PANX2: variants seen among roughly 807,000 people sequenced by gnomAD.
PANX2 encodes pannexin-2.
A neutral mutation model predicts 38.7 loss-of-function variants in PANX2; 30 were observed. The ratio of observed to expected loss-of-function variants is 0.78; its 90% CI spans 0.58 to 1.05. PANX2 has a LOEUF of 1.05. Ranked by LOEUF, PANX2 falls within the 50% of genes least tolerant of loss-of-function variation. The pLI is 0.00. For synonymous variants in PANX2, 539 were observed against 472.1 expected (o/e 1.14, Z -1.84); for missense variants, 880 against 979.3 (o/e 0.90, Z 1.35).
At position 50,173,176 on chromosome 22, in the gene PANX2, GT is replaced by G. The variant is rs202152554; in HGVS notation, c.226+2222del. Among the ~76,000 whole-genome samples, 812 of 149,262 alleles carry G rather than the reference GT, an allele frequency of 5.4e-3. 9 individuals are homozygous for G. Among genetic ancestry groups the G allele is most frequent in the African/African-American group, 0.018 (696 of 39,100 alleles). On this transcript the variant is annotated intron_variant, in intron 1 of 2. Coordinates refer to ENST00000395842, the MANE Select transcript of PANX2 (RefSeq NM_052839.4). ...CTCCCAAAGTGCTGGGATTACAGGC[GT>G]TGAGCCACCGTGCCTGACCCATTTT... is the stretch of plus-strand genomic sequence containing the variant.
In PANX2 at chr22:50,179,667, C is replaced by T. The variant is rs2063688325; in HGVS notation, c.*390C>T. 4.8e-6 allele frequency: 1 copy of T among 209,418 alleles called. No homozygotes were observed. Among genetic ancestry groups the T allele is most frequent in the South Asian group, 6.8e-5 (1 of 14,748 alleles). The allele number at this position is 209,418 out of a possible 1,614,324, so 13.0% of individuals were successfully genotyped here. ...AGCCCAACTCCCCCAGCCCAGCTCCCCCAGCCCAGAGCCAGGGAAGAGGAA... is the reference window on the plus strand; with the variant it reads ...AGCCCAACTCCCCCAGCCCAGCTCCTCCAGCCCAGAGCCAGGGAAGAGGAA... On this transcript the variant is annotated 3_prime_UTR_variant, in exon 3 of 3. Coordinates refer to ENST00000395842, the MANE Select transcript of PANX2 (RefSeq NM_052839.4).
In PANX2 at chr22:50,178,043, A is replaced by C. The variant is rs1366252833; in HGVS notation, c.1331A>C (p.Lys444Thr). Residue 444 changes from lysine to threonine, a missense_variant, in exon 2 of 3, where the codon AAG (lysine) becomes ACG (threonine). Physicochemically the swap from Lys to Thr is moderately conservative, Grantham distance 78. Transcript: ENST00000395842. ...PTSNPLPQPF[K>T]EPLAIMRVEN... ...AGCAACCCGCTTCCGCAGCCCTTCA[A>C]GGAGCCGCTGGCCATCATGCGCGTG... 1 of 1,551,176 alleles carries C rather than the reference A, an allele frequency of 6.4e-7. No homozygotes were observed. Among genetic ancestry groups the C allele is most frequent in the African/African-American group, 1.4e-5 (1 of 73,274 alleles).
rs1281747306 is a variant in PANX2, at chr22:50,170,800, C to A, written c.70C>A (p.Leu24Met). ...GCTGGCGGGAGAGAAGCTGCGGGAG[C>A]TGATCCTGCCGGGCGCGCAGGACGA... is the stretch of plus-strand genomic sequence containing the variant. ...ALLAGEKLRE[L>M]ILPGAQDDKA... Residue 24 changes from leucine (L) to methionine (M), a missense_variant, in exon 1 of 3, where the codon CTG becomes ATG. Leu to Met is a conservative substitution (Grantham distance 15). Transcript: ENST00000395842. 2 of 1,452,638 alleles carry A rather than the reference C, an allele frequency of 1.4e-6. No individual in the cohort carries two copies. Among genetic ancestry groups the A allele is most frequent in the South Asian group, 1.4e-5 (1 of 73,708 alleles). 90.0% of individuals were successfully genotyped at this position (1,452,638 alleles called of 1,614,324 possible).
Position 50,178,369 on chromosome 22 carries a change from T to C in PANX2, c.1657T>C (p.Cys553Arg), listed in dbSNP as rs1488443276. 2.7e-6 allele frequency: 4 copies of C among 1,473,610 alleles called. No homozygotes were observed. The South Asian group carries it at 5.4e-5, about 20-fold the overall frequency. 91.3% of individuals were successfully genotyped at this position (1,473,610 alleles called of 1,614,324 possible). A position where few individuals can be genotyped will look rare whatever the true frequency, so the allele number is the denominator to read the frequency against. Residue 553 changes from cysteine to arginine, a missense_variant, in exon 2 of 3, where the codon TGT becomes CGT. Coordinates refer to ENST00000395842, the MANE Select transcript of PANX2 (RefSeq NM_052839.4). Reference protein sequence around the residue: ...EGGFLSQAEDCGLGLAPAPIK... With the variant: ...EGGFLSQAEDRGLGLAPAPIK... The stretch of plus-strand genomic sequence containing the variant: ...GGGCTTCCTGTCCCAGGCGGAGGAC[T>C]GTGGGCTAGGCCTGGCCCCGGCGCC...
chr22:50,178,266 C>G lies in PANX2; in HGVS notation c.1554C>G (p.His518Gln), dbSNP rs1334570488. Residue 518 changes from histidine (H) to glutamine (Q), a missense_variant, in exon 2 of 3, where the codon CAC (histidine) becomes CAG (glutamine). His to Gln is a conservative substitution (Grantham distance 24, BLOSUM62 0). Transcript: ENST00000395842. ...CGCGCCACTTCTCCCTGGACGTGCA[C>G]CCCTACATCCTCGGCACCAAGAAGG... ...KHARHFSLDV[H>Q]PYILGTKKAK... The G allele has an allele frequency of 1.3e-6, 2 of 1,531,614 alleles. No homozygotes were observed. The highest frequency in any genetic ancestry group is 2.8e-5 in the African/African-American group (2 of 70,904). 94.9% of individuals were successfully genotyped at this position (1,531,614 alleles called of 1,614,324 possible). A position where few individuals can be genotyped will look rare whatever the true frequency, so the allele number is the denominator to read the frequency against.
chr22:50,171,869 CA>C (rs34564312), intron 1 of PANX2, among the ~76,000 whole-genome samples: 33,522 of 152,112 alleles, frequency 0.22, 4,599 homozygotes, highest in Non-Finnish European at 0.31. Context: ...CTCTCTTCTG[CA>C]GCCTCCAAAC....
chr22:50,176,205 T>C (rs2063660367), intron 1 of PANX2, among the ~76,000 whole-genome samples: 1 of 152,264 alleles, frequency 6.6e-6, no homozygotes, highest in African/African-American at 2.4e-5. Context: ...TTCGTGTCAT[T>C]GTCACCTGCA....
Position 50,177,876 on chromosome 22 carries a change from G to A in PANX2, c.1164G>A (p.Gln388=), listed in dbSNP as rs1201785650. The A allele has an allele frequency of 6.4e-7, 1 of 1,555,170 alleles. No homozygotes were observed. The highest frequency in any genetic ancestry group is 8.6e-7 in the Non-Finnish European group (1 of 1,156,218). ...GGCAGCTGCTGGCGGCGCTGGCGCA[G>A]TCCAACCACGACGCCACCCCCACGG... ...VVRQLLAALA[Q]SNHDATPTVR... is the part of the protein sequence containing the mutation. Residue 388 remains glutamine (Q), a synonymous_variant, in exon 2 of 3, where the codon CAG becomes CAA. Coordinates refer to ENST00000395842, the MANE Select transcript of PANX2 (RefSeq NM_052839.4).
At position 50,178,219 on chromosome 22, in the gene PANX2, C is replaced by A. The variant is rs778194280; in HGVS notation, c.1507C>A (p.Pro503Thr). 6.8e-7 allele frequency: 1 copy of A among 1,477,242 alleles called. No homozygotes were observed. The highest frequency in any genetic ancestry group is 8.9e-7 in the Non-Finnish European group (1 of 1,124,646). The allele number at this position is 1,477,242 out of a possible 1,614,324, so 91.5% of individuals were successfully genotyped here. ...PGPAPAPAPP[P>T]APDKKHARHF... ...CCCCGCCCCTGCCCCCGCCCCGCCGCCCGCCCCTGACAAGAAGCACGCGCG... is the reference window on the plus strand; with the variant it reads ...CCCCGCCCCTGCCCCCGCCCCGCCGACCGCCCCTGACAAGAAGCACGCGCG... The change falls in exon 2 of 3, where the codon CCC becomes ACC. Residue 503 changes from proline to threonine, a missense_variant. Pro to Thr is a conservative substitution (Grantham distance 38). This residue lies in a region of PANX2 where 445 missense variants were observed against 404.3 expected (regional missense o/e 1.10). Transcript: ENST00000395842.
rs985373854 is a variant in PANX2, at chr22:50,172,760, G to A, written c.226+1804G>A. Among the ~76,000 whole-genome samples, 8 of 151,438 alleles carry A rather than the reference G, an allele frequency of 5.3e-5. No individual in the cohort carries two copies. In the South Asian group the frequency reaches 6.3e-4, roughly 12 times the overall value. Reference sequence around the variant, plus strand: ...TTTTTATTTTTTGAGACAAAGTCTCGCTCTGTCACCCAGGCTGGAGTGCAG... The same window carrying A: ...TTTTTATTTTTTGAGACAAAGTCTCACTCTGTCACCCAGGCTGGAGTGCAG... On this transcript the variant is annotated intron_variant, in intron 1 of 2. Coordinates refer to ENST00000395842, the MANE Select transcript of PANX2 (RefSeq NM_052839.4).
intron 2 of PANX2, 33 bp downstream of exon 2, chr22:50,178,435 A>T (rs2063678357): frequency 7.5e-7 from 1 of 1,326,430 alleles, no homozygotes; most frequent in Non-Finnish European, 9.7e-7. Context: ...GGGACGGGGG[A>T]CTGGGGGTGG....
chr22:50,170,871 G>A lies in PANX2; in HGVS notation c.141G>A (p.Glu47=). The stretch of plus-strand genomic sequence containing the variant: ...CGCTGCTTCTGCAGCTGAAGCTGGA[G>A]CTGCCGTTCGACCGGGTGGTCACCA... ...LAALLLQLKL[E]LPFDRVVTIG... The change falls in exon 1 of 3, where the codon GAG becomes GAA. Residue 47 remains glutamate (E), a synonymous_variant. Coordinates refer to ENST00000395842, the MANE Select transcript of PANX2 (RefSeq NM_052839.4). The A allele has an allele frequency of 6.6e-7, 1 of 1,519,924 alleles. No homozygotes were observed. Among genetic ancestry groups the A allele is most frequent in the Non-Finnish European group, 8.8e-7 (1 of 1,132,746 alleles). The allele number at this position is 1,519,924 out of a possible 1,614,324, so 94.2% of individuals were successfully genotyped here.
rs76879368 is a variant in PANX2, at chr22:50,179,433, C to T, written c.*156C>T. 8,838 of 689,064 alleles carry T rather than the reference C, an allele frequency of 0.013. 189 individuals are homozygous for T. The highest frequency in any genetic ancestry group is 0.062 in the East Asian group (2,111 of 34,208). The allele number at this position is 689,064 out of a possible 1,614,324, so 42.7% of individuals were successfully genotyped here. On this transcript the variant is annotated 3_prime_UTR_variant, in exon 3 of 3. Transcript: ENST00000395842. ...TGTCCGCATGCCTGGGGCCTTCGCC[C>T]CCACGTGCTCGACAGGGGAACCCGC...
rs1056950778 is a variant in PANX2, at chr22:50,177,313, AAGG to A, written c.604_606del (p.Glu202del). On this transcript the variant is annotated inframe_deletion, in exon 2 of 3. Coordinates refer to ENST00000395842, the MANE Select transcript of PANX2 (RefSeq NM_052839.4). ...GCGCGAGATCATCGAGAACGCGGAG[AAGG>A]AGAAGAGCCCGGAGCAGAACCTGTT... 11 of 1,611,462 alleles carry A rather than the reference AAGG, an allele frequency of 6.8e-6. No individual in the cohort carries two copies. Among genetic ancestry groups the A allele is most frequent in the East Asian group, 4.5e-5 (2 of 44,854 alleles).
rs575287254 is a variant in PANX2, at chr22:50,173,188, T to C, written c.226+2232T>C. ...TGGGATTACAGGCGTTGAGCCACCGTGCCTGACCCATTTTTTGTATTTTTA... is the reference window on the plus strand; with the variant it reads ...TGGGATTACAGGCGTTGAGCCACCGCGCCTGACCCATTTTTTGTATTTTTA... On this transcript the variant is annotated intron_variant, in intron 1 of 2. Transcript: ENST00000395842. Among the ~76,000 whole-genome samples the C allele has an allele frequency of 1.8e-4, 28 of 151,888 alleles. 1 individual carries two copies. The East Asian group carries it at 4.9e-3, about 26-fold the overall frequency.
chr22:50,176,692 C>G (rs1019386492), intron 1 of PANX2, among the ~76,000 whole-genome samples: 14 of 152,150 alleles, frequency 9.2e-5, no homozygotes, highest in African/African-American at 3.4e-4. Context: ...GTTTCGCAGG[C>G]GGTCATGGCT....
chr22:50,177,027 C>G lies in PANX2; in HGVS notation c.315C>G (p.Asp105Glu). 1 of 1,605,474 alleles carries G rather than the reference C, an allele frequency of 6.2e-7. No individual in the cohort carries two copies. The highest frequency in any genetic ancestry group is 8.5e-7 in the Non-Finnish European group (1 of 1,177,744). ...ARGYCWTELR[D>E]ALPGVDASLW... ...GCTACTGCTGGACGGAGCTGCGGGACGCGCTGCCCGGCGTGGACGCCAGCC... is the reference window on the plus strand; with the variant it reads ...GCTACTGCTGGACGGAGCTGCGGGAGGCGCTGCCCGGCGTGGACGCCAGCC... Residue 105 changes from aspartate (D) to glutamate (E), a missense_variant, in exon 2 of 3, where the codon GAC becomes GAG. Asp to Glu is a conservative substitution (Grantham distance 45). Transcript: ENST00000395842.
chr22:50,175,065 AG>A (rs1053580792), intron 1 of PANX2, among the ~76,000 whole-genome samples: 2 of 152,190 alleles, frequency 1.3e-5, no homozygotes, highest in African/African-American at 4.8e-5. Context: ...GGAGCAGATG[AG>A]GAAACTGAGG....
chr22:50,178,185 G>C lies in PANX2; in HGVS notation c.1473G>C (p.Pro491=), dbSNP rs761532895. 6.7e-7 allele frequency: 1 copy of C among 1,482,484 alleles called. No individual in the cohort carries two copies. The highest frequency in any genetic ancestry group is 8.9e-7 in the Non-Finnish European group (1 of 1,127,616). 91.8% of individuals were successfully genotyped at this position (1,482,484 alleles called of 1,614,324 possible). Residue 491 remains proline, a synonymous_variant, in exon 2 of 3, where the codon CCG becomes CCC. Transcript: ENST00000395842. The part of the protein sequence containing the change: ...AHHYKGGGGD[P]GPGPAPAPAP... ...ACTACAAGGGCGGAGGGGGCGACCC[G>C]GGCCCCGGCCCCGCCCCTGCCCCCG...
Sources: gnomAD v4.1 joint callset for allele counts (sites outside exome capture counted in the v4.1 genomes callset) on GRCh38, gnomAD v4.1.1 for gene constraint, gnomAD v4.1.1 regional missense constraint, MANE v1.5 for transcripts, NCBI Gene and HGNC (gene_info 2026-07-23, HGNC 2026-07-21) for gene names.